The following PPP2R5A variants were observed in gnomAD, a reference collection of about 807,000 sequenced individuals.
PPP2R5A encodes protein phosphatase 2 regulatory subunit B'alpha.
PPP2R5A carries 25 observed loss-of-function variants against 64.2 expected under a neutral mutation model. That is an observed-to-expected ratio of 0.39 (90% confidence interval 0.28 to 0.54). The LOEUF is 0.54. PPP2R5A is among the 20% of genes least tolerant of loss of function. The probability of loss-of-function intolerance (pLI) is 0.67; values close to 1 mark genes in which losing one functional copy is unlikely to be tolerated. For synonymous variants in PPP2R5A, 198 were observed against 201.2 expected (o/e 0.98, Z 0.13); for missense variants, 425 against 576.3 (o/e 0.74, Z 2.69).
chr1:212,318,039 G>A (rs573522919), intron 1 of PPP2R5A, among the ~76,000 whole-genome samples: 1 of 152,308 alleles, frequency 6.6e-6, no homozygotes, highest in East Asian at 1.9e-4. Flanking sequence ...ACCTAGCGGG[G>A]CTTTTGTGAG....
chr1:212,290,251 A>G (rs184410128), intron 1 of PPP2R5A, among the ~76,000 whole-genome samples: 29 of 152,320 alleles, frequency 1.9e-4, no homozygotes, highest in Admixed American at 5.2e-4. Flanking sequence ...AGGTGATCTA[A>G]GGTAATTGTG....
intron 3 of PPP2R5A, among the ~76,000 whole-genome samples, chr1:212,335,051 G>A (rs1036030227): frequency 6.6e-6 from 1 of 151,840 alleles, no homozygotes; most frequent in Non-Finnish European, 1.5e-5. Context: ...TGTCCCACAG[G>A]TCTCTGGAGC....
At chr1:212,317,336 C>T (rs567734979) in intron 1 of PPP2R5A, among the ~76,000 whole-genome samples, 5 of 90,980 alleles carry the variant, frequency 5.5e-5, no homozygotes, top group East Asian at 3.1e-4. Flanking sequence ...TAATGGGTAA[C>T]GATTTAGAAT....
intron 1 of PPP2R5A, among the ~76,000 whole-genome samples, chr1:212,293,541 G>T (rs1161251903): frequency 6.6e-6 from 1 of 152,214 alleles, no homozygotes; most frequent in African/African-American, 2.4e-5. Context: ...TGAGCAGGAT[G>T]TTGACTAATA....
chr1:212,287,234 A>G (rs901328657), intron 1 of PPP2R5A, among the ~76,000 whole-genome samples: 3 of 152,174 alleles, frequency 2.0e-5, no homozygotes, highest in African/African-American at 7.2e-5. Flanking sequence ...TAATTTTATA[A>G]TTTTAATGTC....
chr1:212,287,564 A>G (rs1314747942), intron 1 of PPP2R5A, among the ~76,000 whole-genome samples: 1 of 152,224 alleles, frequency 6.6e-6, no homozygotes, highest in East Asian at 1.9e-4. Context: ...TCTCACAGTT[A>G]GAATCAAACT....
At chr1:212,290,110 A>C (rs942265770) in intron 1 of PPP2R5A, among the ~76,000 whole-genome samples, 1 of 152,224 alleles carries the variant, frequency 6.6e-6, no homozygotes, top group African/African-American at 2.4e-5. Context: ...TTTCCCAAGT[A>C]GCACTCAAGA....
At chr1:212,324,820 T>A (rs998572281) in intron 1 of PPP2R5A, among the ~76,000 whole-genome samples, 4 of 152,136 alleles carry the variant, frequency 2.6e-5, no homozygotes, top group Non-Finnish European at 4.4e-5. Flanking sequence ...TTAGCTAGGA[T>A]GGTCTTGATC....
chr1:212,356,276 T>A (rs576639644), intron 8 of PPP2R5A, among the ~76,000 whole-genome samples: 4 of 152,304 alleles, frequency 2.6e-5, no homozygotes, highest in African/African-American at 9.6e-5. Flanking sequence ...CTTTATTTTC[T>A]TAGAAGTAGC....
chr1:212,356,873 CCTT>C, intron 9 of PPP2R5A, 74 bp from the exon 10 acceptor site: 1 of 1,352,748 alleles, frequency 7.4e-7, no homozygotes. Flanking sequence ...TGCAGATTAA[CCTT>C]CTCATTTGTA....
chr1:212,295,244 G>A (rs1247706768), intron 1 of PPP2R5A, among the ~76,000 whole-genome samples: 3 of 152,168 alleles, frequency 2.0e-5, no homozygotes. Context: ...GTCCAAGTGG[G>A]GATGGGGTGG....
intron 1 of PPP2R5A, among the ~76,000 whole-genome samples, chr1:212,294,257 C>T (rs1340356070): frequency 6.6e-6 from 1 of 152,114 alleles, no homozygotes; most frequent in Non-Finnish European, 1.5e-5. Context: ...CATTGTTAAT[C>T]CCCTGCCTCT....
intron 1 of PPP2R5A, among the ~76,000 whole-genome samples, chr1:212,310,525 T>C (rs1397721484): frequency 2.6e-5 from 4 of 152,186 alleles, no homozygotes; most frequent in African/African-American, 9.7e-5. Context: ...ACAAAATCTC[T>C]GGAGTCGGGG....
rs1480422651 is a variant in PPP2R5A, at chr1:212,349,320, T to C, written c.927+78T>C. 12 of 1,095,832 alleles carry C rather than the reference T, an allele frequency of 1.1e-5. No homozygotes were observed. The East Asian group carries it at 2.1e-4, about 19-fold the overall frequency. 67.9% of individuals were successfully genotyped at this position (1,095,832 alleles called of 1,614,324 possible). ...TGTAGCTTTCGTTTTATAGCCTTTA[T>C]AGTTATTAAGTAGAATAATGTACGT... On this transcript the variant is annotated intron_variant, in intron 8 of 12. Coordinates refer to ENST00000261461, the MANE Select transcript of PPP2R5A (RefSeq NM_006243.4).
At chr1:212,286,955 A>G (rs1658515563) in intron 1 of PPP2R5A, among the ~76,000 whole-genome samples, 1 of 152,234 alleles carries the variant, frequency 6.6e-6, no homozygotes, top group African/African-American at 2.4e-5. Flanking sequence ...TAGATTTAAA[A>G]TATTCTGTTG....
intron 2 of PPP2R5A, chr1:212,331,450 TGG>T (rs1426096574): frequency 6.6e-6 from 1 of 151,814 alleles, no homozygotes; most frequent in Non-Finnish European, 1.5e-5. Context: ...TTTACATGCA[TGG>T]GCCACCATGT....
chr1:212,309,504 C>G, intron 1 of PPP2R5A: 1 of 767,072 alleles, frequency 1.3e-6, no homozygotes, highest in Non-Finnish European at 2.4e-6. Flanking sequence ...CTTCCTTCTT[C>G]GCTTTCGGCG....
intron 1 of PPP2R5A, among the ~76,000 whole-genome samples, chr1:212,305,354 C>T (rs1208291701): frequency 1.3e-5 from 2 of 151,846 alleles, no homozygotes; most frequent in African/African-American, 2.4e-5. Flanking sequence ...TTACTGATTT[C>T]TAACTTCATT....
At position 212,309,141 on chromosome 1, in the gene PPP2R5A, G is replaced by A; in HGVS notation, c.182-19994G>A. On this transcript the variant is annotated intron_variant, in intron 1 of 12. Coordinates refer to ENST00000261461, the MANE Select transcript of PPP2R5A (RefSeq NM_006243.4). ...TCTTCTCTCCATCAGGCCGAATCAG[G>A]GTGTTGACCTTGGCCACATTGGTGT... The A allele has an allele frequency of 2.7e-6, 3 of 1,129,968 alleles. No homozygotes were observed. The South Asian group carries it at 3.7e-5, about 14-fold the overall frequency. 70.0% of individuals were successfully genotyped at this position (1,129,968 alleles called of 1,614,324 possible). A position where few individuals can be genotyped will look rare whatever the true frequency, so the allele number is the denominator to read the frequency against.
Sources: gnomAD v4.1 joint callset for allele counts (sites outside exome capture counted in the v4.1 genomes callset) on GRCh38, gnomAD v4.1.1 for gene constraint, MANE v1.5 for transcripts, NCBI Gene and HGNC (gene_info 2026-07-23, HGNC 2026-07-21) for gene names.